The following PTH2R variants were observed in gnomAD, a reference collection of about 807,000 sequenced individuals.
PTH2R encodes PTH2 receptor.
A neutral mutation model predicts 60.3 loss-of-function variants in PTH2R; 59 were observed. The observed-to-expected ratio is 0.98, with a 90% CI of 0.79 to 1.22. The LOEUF (loss-of-function observed/expected upper bound fraction) is 1.22, where lower values mean the gene tolerates loss of function less well. PTH2R is among the 50% of genes most tolerant of loss of function. The pLI, the probability that PTH2R is intolerant of heterozygous loss-of-function variation, is 0.00. For synonymous variants in PTH2R, 256 were observed against 243.8 expected (o/e 1.05, Z -0.47); for missense variants, 749 against 682.6 (o/e 1.10, Z -1.08).
chr2:208,430,618 C>T (rs1321455217), intron 2 of PTH2R, among the ~76,000 whole-genome samples: 1 of 149,916 alleles, frequency 6.7e-6, no homozygotes, highest in Non-Finnish European at 1.5e-5. Flanking sequence ...ATGATCTTGG[C>T]TCACTGCAAG....
rs554347754 is a variant in PTH2R at position 208,407,750 on chromosome 2, CT to C, written c.75+642del. Among the ~76,000 whole-genome samples, 84 of 149,956 alleles carry C rather than the reference CT, an allele frequency of 5.6e-4. 1 individual carries two copies. The highest frequency in any genetic ancestry group is 1.5e-3 in the African/African-American group (62 of 40,972). On this transcript the variant is annotated intron_variant, in intron 1 of 12. Transcript: ENST00000272847. ...ATGTGCAAGGCACAATTCATACGCACTTTTTTTTTTGAGTCAAATCAAATGT... is the reference window on the plus strand; with the variant it reads ...ATGTGCAAGGCACAATTCATACGCACTTTTTTTTTGAGTCAAATCAAATGT...
intron 1 of PTH2R, among the ~76,000 whole-genome samples, chr2:208,375,928 C>T (rs1467808014): frequency 6.6e-6 from 1 of 152,044 alleles, no homozygotes; most frequent in Non-Finnish European, 1.5e-5. Flanking sequence ...ACTTCTTTAG[C>T]ATTCTGAGTT....
At chr2:208,464,701 G>T (rs1255238233) in intron 9 of PTH2R, among the ~76,000 whole-genome samples, 1 of 152,104 alleles carries the variant, frequency 6.6e-6, no homozygotes, top group Non-Finnish European at 1.5e-5. Flanking sequence ...AAAAGTCAGG[G>T]TCCACTTTTG....
chr2:208,404,111 T>C (rs191139950), upstream of PTH2R, among the ~76,000 whole-genome samples: 4 of 152,196 alleles, frequency 2.6e-5, no homozygotes, highest in East Asian at 7.7e-4. Flanking sequence ...TCAGAGAGTG[T>C]AAGGGGAGAA....
At chr2:208,474,418 A>T (rs1032035520) in intron 9 of PTH2R, among the ~76,000 whole-genome samples, 2 of 152,178 alleles carry the variant, frequency 1.3e-5, no homozygotes, top group Admixed American at 1.3e-4. Context: ...ACAACACCAA[A>T]CTCTGTCTGG....
chr2:208,360,392 G>A (rs1257124841), intron 1 of PTH2R, among the ~76,000 whole-genome samples: 2 of 152,142 alleles, frequency 1.3e-5, no homozygotes, highest in Non-Finnish European at 2.9e-5. Context: ...AGGGCAGCGT[G>A]CTCCTCGCAG....
intron 6 of PTH2R, among the ~76,000 whole-genome samples, chr2:208,443,937 A>G (rs549606192): frequency 1.3e-5 from 2 of 152,316 alleles, no homozygotes; most frequent in South Asian, 2.1e-4. Context: ...ACTTGTTCCA[A>G]TATAAAATTT....
upstream of PTH2R, among the ~76,000 whole-genome samples, chr2:208,405,980 T>C (rs4673405): frequency 4.6e-5 from 7 of 152,234 alleles, no homozygotes; most frequent in Non-Finnish European, 1.0e-4. Flanking sequence ...AAATCTCTGA[T>C]GTTTATAAGC....
At chr2:208,376,367 TAA>T (rs1700790946) in intron 1 of PTH2R, among the ~76,000 whole-genome samples, 1 of 152,154 alleles carries the variant, frequency 6.6e-6, no homozygotes, top group South Asian at 2.1e-4. Flanking sequence ...CTATTTAAAT[TAA>T]AATACCTACT....
In PTH2R at chr2:208,399,908, C is replaced by A. The variant is rs573226624; in HGVS notation, c.-258-28293C>A. ...AGAAAAGTTCATACCTGCTGTTCAC[C>A]TTTTCCTTCCCAGCATGTAGTGTGG... On this transcript the variant is annotated intron_variant, in intron 1 of 12. Transcript: ENST00000617735. Among the ~76,000 whole-genome samples, 12 of 152,144 alleles carry A rather than the reference C, an allele frequency of 7.9e-5. No homozygotes were observed. The East Asian group carries it at 1.9e-3, about 25-fold the overall frequency.
At chr2:208,472,206 G>T (rs565049022) in intron 9 of PTH2R, among the ~76,000 whole-genome samples, 79 of 152,286 alleles carry the variant, frequency 5.2e-4, no homozygotes, top group Middle Eastern at 3.4e-3. Context: ...TTAAGGCTTT[G>T]GGGGCCTGTT....
chr2:208,379,695 A>G (rs1443186650), intron 1 of PTH2R, among the ~76,000 whole-genome samples: 1 of 151,962 alleles, frequency 6.6e-6, no homozygotes, highest in African/African-American at 2.4e-5. Context: ...CCCCATCTCT[A>G]CTAAAAATAC....
chr2:208,392,291 G>T (rs1224503452), intron 1 of PTH2R, among the ~76,000 whole-genome samples: 1 of 152,112 alleles, frequency 6.6e-6, no homozygotes, highest in African/African-American at 2.4e-5. Context: ...TAATATTGGG[G>T]TGTTGCAGGG....
chr2:208,485,289 C>T (rs760749678), intron 10 of PTH2R, among the ~76,000 whole-genome samples: 1 of 152,172 alleles, frequency 6.6e-6, no homozygotes, highest in Non-Finnish European at 1.5e-5. Context: ...AGTCCCAAAA[C>T]CACCTGACTT....
chr2:208,427,157 C>T (rs1048331620), intron 1 of PTH2R, among the ~76,000 whole-genome samples: 1 of 152,012 alleles, frequency 6.6e-6, no homozygotes, highest in Non-Finnish European at 1.5e-5. Flanking sequence ...AATTTGGTCA[C>T]AATTTATACA....
At chr2:208,413,888 C>T (rs1365088473) in intron 1 of PTH2R, among the ~76,000 whole-genome samples, 3 of 152,160 alleles carry the variant, frequency 2.0e-5, no homozygotes, top group Non-Finnish European at 4.4e-5. Flanking sequence ...GGTGGGAGAG[C>T]TTATCACAGG....
intron 1 of PTH2R, among the ~76,000 whole-genome samples, chr2:208,410,778 G>GTC (rs1417527570): frequency 6.6e-6 from 1 of 152,154 alleles, no homozygotes; most frequent in African/African-American, 2.4e-5. Flanking sequence ...GTGTGTGTGT[G>GTC]TGTCTTACAT....
chr2:208,490,282 A>C (rs954403022), intron 11 of PTH2R, among the ~76,000 whole-genome samples: 2 of 152,108 alleles, frequency 1.3e-5, no homozygotes, highest in African/African-American at 4.8e-5. Context: ...ACAATACTTT[A>C]TGTTTGTAGT....
chr2:208,416,155 G>T (rs61195726), intron 1 of PTH2R, among the ~76,000 whole-genome samples: 8,090 of 152,228 alleles, frequency 0.053, 473 homozygotes, highest in African/African-American at 0.14. Context: ...AATAGTCTGT[G>T]TGGGAGAACA....
Sources: allele counts gnomAD v4.1 joint callset (sites outside exome capture counted in the v4.1 genomes callset), GRCh38; gene constraint gnomAD v4.1.1; transcripts MANE v1.5; gene names NCBI Gene and HGNC (gene_info 2026-07-23, HGNC 2026-07-21).